Variants in CASZ1 observed in about 807,000 individuals in gnomAD.
CASZ1 encodes the protein castor zinc finger 1.
A neutral mutation model predicts 135.2 loss-of-function variants in CASZ1; 28 were observed. The observed-to-expected ratio is 0.21, with a 90% CI of 0.15 to 0.28. CASZ1 has a LOEUF of 0.28. CASZ1 is among the 10% of genes least tolerant of loss of function. The pLI is 1.00. For missense variants in CASZ1, 2,161 were observed against 2,453.3 expected, an observed-to-expected ratio of 0.88 and a Z score of 2.52; for synonymous variants, 1,068 against 1,073.4, an observed-to-expected ratio of 0.99 and a Z score of 0.10.
intron 20 of CASZ1, 93 bp downstream of exon 20, chr1:10,642,766 G>A (rs531817266): frequency 1.5e-5 from 21 of 1,430,886 alleles, no homozygotes; most frequent in South Asian, 1.5e-4. Flanking sequence ...CGGAGGCCGC[G>A]TGCCCCGGAC....
rs556113197 is a variant in CASZ1, at chr1:10,669,846, G to A, written c.17-4275C>T. Among the ~76,000 whole-genome samples the A allele has an allele frequency of 4.2e-3, 633 of 152,316 alleles. 4 individuals are homozygous for A. The highest frequency in any genetic ancestry group is 0.015 in the African/African-American group (605 of 41,566). ...CGTGAGTAATGTGTTCTGGGGCCGG[G>A]CTGCCTGTCAGCTCCCAGGCTCCGG... On this transcript the variant is annotated intron_variant, in intron 4 of 20. Transcript: ENST00000377022.
At chr1:10,658,622 C>A (rs775152739) in intron 6 of CASZ1, 46 bp from the exon 7 acceptor site, 89 of 1,555,074 alleles carry the variant, frequency 5.7e-5, no homozygotes, top group Non-Finnish European at 7.5e-5. Flanking sequence ...GATGGGGCAG[C>A]CTCGTGTTAC....
intron 1 of CASZ1, among the ~76,000 whole-genome samples, chr1:10,771,544 G>A (rs914399614): frequency 6.6e-6 from 1 of 151,952 alleles, no homozygotes; most frequent in Non-Finnish European, 1.5e-5. Flanking sequence ...AAACATAGCT[G>A]TTGCTTAATT....
At chr1:10,668,338 C>A (rs1643300575) in intron 4 of CASZ1, among the ~76,000 whole-genome samples, 1 of 152,188 alleles carries the variant, frequency 6.6e-6, no homozygotes, top group Admixed American at 6.5e-5. Context: ...GTGGCCAGGC[C>A]TCAATGGAAG....
chr1:10,733,549 C>T (rs1432087259), intron 2 of CASZ1, among the ~76,000 whole-genome samples: 1 of 152,226 alleles, frequency 6.6e-6, no homozygotes, highest in Non-Finnish European at 1.5e-5. Context: ...TCACTGGTCC[C>T]TGCTCTCAGA....
At chr1:10,773,553 C>T (rs758458144) in intron 1 of CASZ1, among the ~76,000 whole-genome samples, 10 of 151,986 alleles carry the variant, frequency 6.6e-5, no homozygotes, top group East Asian at 1.9e-4. Context: ...TCACGCACCC[C>T]GGGGACTGAA....
chr1:10,763,490 A>G (rs1640416821), intron 1 of CASZ1, among the ~76,000 whole-genome samples: 1 of 151,962 alleles, frequency 6.6e-6, no homozygotes, highest in Non-Finnish European at 1.5e-5. Flanking sequence ...GTTAACAAGC[A>G]CTCTAGAAAT....
intron 4 of CASZ1, among the ~76,000 whole-genome samples, chr1:10,677,615 C>T (rs182112072): frequency 6.6e-6 from 1 of 152,316 alleles, no homozygotes; most frequent in Admixed American, 6.5e-5. Flanking sequence ...TGGAAAGGGA[C>T]CGAGGTCCAA....
chr1:10,662,576 TCACAATCACACA>T (rs919483973), intron 5 of CASZ1, among the ~76,000 whole-genome samples: 7 of 150,250 alleles, frequency 4.7e-5, no homozygotes, highest in South Asian at 2.1e-4. Flanking sequence ...AGTCATGTGC[TCACAATCACACA>T]CACAATCACA....
Position 10,637,470 on chromosome 1 carries a change from C to A in CASZ1, c.*1472G>T, listed in dbSNP as rs1642029963. ...GTAAACCACTGCCCCCCAGTTGAGC[C>A]AGGTTCCTCCTGGAGACCTCTGGGG... On this transcript the variant is annotated 3_prime_UTR_variant, in exon 21 of 21. Transcript: ENST00000377022. 1 of 152,450 alleles carries A rather than the reference C, an allele frequency of 6.6e-6. No individual in the cohort carries two copies. Among genetic ancestry groups the A allele is most frequent in the South Asian group, 2.1e-4 (1 of 4,824 alleles). 9.4% of individuals were successfully genotyped at this position (152,450 alleles called of 1,614,324 possible). A position where few individuals can be genotyped will look rare whatever the true frequency, so the allele number is the denominator to read the frequency against.
In CASZ1 at chr1:10,717,275, C is replaced by G. The variant is rs548577003; in HGVS notation, c.-76-11731G>C. On this transcript the variant is annotated intron_variant, in intron 2 of 20. Transcript: ENST00000377022. The surrounding 1 kb of genome is among the most constrained non-coding windows in gnomAD (Gnocchi z 4.6). ...GGAACCCACTCACCCCACCCCCAGC[C>G]TCTGCAGCTCCCCAGTTCCCCAAAC... Among the ~76,000 whole-genome samples, 135 of 152,364 alleles carry G rather than the reference C, an allele frequency of 8.9e-4. 2 individuals are homozygous for G. The Middle Eastern group carries it at 0.037, about 42-fold the overall frequency.
chr1:10,645,048 C>T lies in CASZ1; in HGVS notation c.3737G>A (p.Arg1246His), dbSNP rs773451210. The change falls in exon 18 of 21, where the codon CGC becomes CAC. Residue 1246 changes from arginine (R) to histidine (H), a missense_variant. By Grantham distance (29) the Arg-to-His change is conservative (BLOSUM62 0). This residue lies in a region of CASZ1 where 349 missense variants were observed against 460.8 expected (regional missense o/e 0.76). Transcript: ENST00000377022. The part of the protein sequence containing the change: ...FRMRGHYHCL[R>H]TGCYFVTNIT... The stretch of plus-strand genomic sequence containing the variant: ...GTTGGTCACAAAATAGCAGCCGGTG[C>T]GGAGGCAGTGGTAGTGCCCACGCAT... 76 of 1,613,904 alleles carry T rather than the reference C, an allele frequency of 4.7e-5. No homozygotes were observed. Among genetic ancestry groups the T allele is most frequent in the African/African-American group, 2.1e-4 (16 of 74,948 alleles).
chr1:10,668,938 A>G (rs1170116071), intron 4 of CASZ1, among the ~76,000 whole-genome samples: 1 of 152,230 alleles, frequency 6.6e-6, no homozygotes, highest in Non-Finnish European at 1.5e-5. Flanking sequence ...GGCAGGGGAC[A>G]GAGAAGAGGC....
At chr1:10,738,925 T>G (rs890775414) in intron 2 of CASZ1, among the ~76,000 whole-genome samples, 1 of 148,692 alleles carries the variant, frequency 6.7e-6, no homozygotes, top group Non-Finnish European at 1.5e-5. Context: ...AAGGTTTTTT[T>G]TTTTTTTTTT....
chr1:10,761,891 A>G (rs1264607198), intron 1 of CASZ1, among the ~76,000 whole-genome samples: 1 of 152,170 alleles, frequency 6.6e-6, no homozygotes, highest in Non-Finnish European at 1.5e-5. Flanking sequence ...CGGAGCTGGC[A>G]TCAGGAAGAT....
At chr1:10,728,663 G>A (rs1044476919) in intron 2 of CASZ1, among the ~76,000 whole-genome samples, 5 of 151,684 alleles carry the variant, frequency 3.3e-5, no homozygotes, top group Admixed American at 6.6e-5. Flanking sequence ...GGTGATTGAC[G>A]GGGGTTGCCA....
chr1:10,751,351 A>G (rs1640147432), intron 2 of CASZ1, among the ~76,000 whole-genome samples: 1 of 152,120 alleles, frequency 6.6e-6, no homozygotes. Context: ...AGTAGCCGAC[A>G]GAGGGCAGAG....
At chr1:10,684,507 G>A (rs886783955) in intron 4 of CASZ1, among the ~76,000 whole-genome samples, 2 of 152,184 alleles carry the variant, frequency 1.3e-5, no homozygotes, top group African/African-American at 4.8e-5. Flanking sequence ...GTCCATTCAG[G>A]AGGTGCCTGG....
chr1:10,695,029 CGCCGCGGGGCCGCGCCCGCCAG>C (rs1191082852), intron 3 of CASZ1, among the ~76,000 whole-genome samples: 1 of 149,788 alleles, frequency 6.7e-6, no homozygotes, highest in Non-Finnish European at 1.5e-5. Context: ...AGGTGTGAGG[CGCCGCGGGGCCGCGCCCGCCAG>C]GCCGCGCGCT....
Sources: allele counts gnomAD v4.1 joint callset (sites outside exome capture counted in the v4.1 genomes callset), GRCh38; gene constraint gnomAD v4.1.1; regional missense constraint gnomAD v4.1.1; non-coding constraint Gnocchi (gnomAD v3.1); transcripts MANE v1.5; gene names NCBI Gene and HGNC (gene_info 2026-07-23, HGNC 2026-07-21).